BCL2: variants seen among roughly 807,000 people sequenced by gnomAD.
BCL2 encodes the protein BCL2 apoptosis regulator, also known as apoptosis regulator Bcl-2.
BCL2 carries 1 observed loss-of-function variant against 14.2 expected under a neutral mutation model. That is an observed-to-expected ratio of 0.07 (90% CI 0.02 to 0.33). The LOEUF (loss-of-function observed/expected upper bound fraction) is 0.33, where lower values mean the gene tolerates loss of function less well. Among genes scored for constraint, BCL2 ranks in the 10% least tolerant of loss-of-function variants. BCL2 has a pLI of 0.99. For missense variants in BCL2, 247 were observed against 305.9 expected, an observed-to-expected ratio of 0.81 and a Z score of 1.44; for synonymous variants, 151 against 137.2, an observed-to-expected ratio of 1.10 and a Z score of -0.70.
chr18:63,245,111 C>T (rs1293173404), intron 2 of BCL2, among the ~76,000 whole-genome samples: 1 of 152,198 alleles, frequency 6.6e-6, no homozygotes, highest in African/African-American at 2.4e-5. Flanking sequence ...CTTCCTGGGT[C>T]ATCTTCGAGA....
chr18:63,178,899 C>CAAAAAAAAAAAAAAAAAAAAAAAAAAA (rs111876869), intron 2 of BCL2, among the ~76,000 whole-genome samples: 1 of 132,920 alleles, frequency 7.5e-6, no homozygotes. Flanking sequence ...GGGTTCAAGG[C>CAAAAAAAAAAAAAAAAAAAAAAAAAAA]AAAAAAAAAA....
chr18:63,137,849 T>C (rs1914249355), intron 2 of BCL2, among the ~76,000 whole-genome samples: 1 of 152,154 alleles, frequency 6.6e-6, no homozygotes, highest in African/African-American at 2.4e-5. Flanking sequence ...TAGCAGGGCA[T>C]TGGCAAGAGG....
chr18:63,207,138 G>A lies in BCL2; in HGVS notation c.586-78379C>T, dbSNP rs114525861. Reference sequence around the variant, plus strand: ...GCCGTGACAGAAAAGCCTTTCCAAAGGAGCACAGTGGAGGAGAGAACTGGA... The same window carrying A: ...GCCGTGACAGAAAAGCCTTTCCAAAAGAGCACAGTGGAGGAGAGAACTGGA... On this transcript the variant is annotated intron_variant, in intron 2 of 2. Coordinates refer to ENST00000333681, the MANE Select transcript of BCL2 (RefSeq NM_000633.3). 4.5e-3 allele frequency among the ~76,000 whole-genome samples: 692 copies of A among 152,276 alleles called. 8 individuals are homozygous for A. The highest frequency in any genetic ancestry group is 0.016 in the African/African-American group (650 of 41,548).
At chr18:63,183,318 T>C (rs9946637) in intron 2 of BCL2, among the ~76,000 whole-genome samples, 149,867 of 152,224 alleles carry the variant, frequency 0.98, 73,810 homozygotes, top group East Asian at 1. Flanking sequence ...CCTCTATTGC[T>C]CCAGGAGAGG....
intron 2 of BCL2, among the ~76,000 whole-genome samples, chr18:63,300,860 T>C (rs1271790833): frequency 1.3e-5 from 2 of 152,196 alleles, no homozygotes; most frequent in Non-Finnish European, 2.9e-5. Flanking sequence ...GCTGTCAGAC[T>C]CTAAAATAAT....
At chr18:63,144,877 G>A (rs909640471) in intron 2 of BCL2, among the ~76,000 whole-genome samples, 1 of 152,080 alleles carries the variant, frequency 6.6e-6, no homozygotes, top group Non-Finnish European at 1.5e-5. Flanking sequence ...CATCACCCCC[G>A]CCCCCGCCGC....
chr18:63,296,433 G>C (rs1164368772), intron 2 of BCL2, among the ~76,000 whole-genome samples: 1 of 152,082 alleles, frequency 6.6e-6, no homozygotes, highest in Non-Finnish European at 1.5e-5. Context: ...CTCCCAAGCA[G>C]CTGAAACTAC....
At chr18:63,142,479 G>C (rs1051136875) in intron 2 of BCL2, among the ~76,000 whole-genome samples, 1 of 152,232 alleles carries the variant, frequency 6.6e-6, no homozygotes, top group African/African-American at 2.4e-5. Flanking sequence ...TGTTGTTCTT[G>C]GTTTGGGGCA....
intron 2 of BCL2, among the ~76,000 whole-genome samples, chr18:63,227,690 G>A (rs572344640): frequency 6.6e-6 from 1 of 152,344 alleles, no homozygotes; most frequent in African/African-American, 2.4e-5. Context: ...CAGGCTCCTA[G>A]TGAATTCCAA....
intron 2 of BCL2, among the ~76,000 whole-genome samples, chr18:63,247,566 G>C (rs1350144297): frequency 6.6e-6 from 1 of 152,110 alleles, no homozygotes; most frequent in African/African-American, 2.4e-5. Context: ...CTTCTACTAG[G>C]GGAAGAACCA....
At chr18:63,289,370 C>T (rs997660858) in intron 2 of BCL2, among the ~76,000 whole-genome samples, 7 of 152,140 alleles carry the variant, frequency 4.6e-5, no homozygotes, top group African/African-American at 1.7e-4. Flanking sequence ...GAGATCAGAT[C>T]TGGGCCTTAA....
At chr18:63,209,203 C>T (rs950927959) in intron 2 of BCL2, among the ~76,000 whole-genome samples, 2 of 152,128 alleles carry the variant, frequency 1.3e-5, no homozygotes, top group African/African-American at 2.4e-5. Context: ...GCTTCTGGGT[C>T]GGTAAATTGG....
At chr18:63,192,377 G>A (rs1178053286) in intron 2 of BCL2, among the ~76,000 whole-genome samples, 2 of 152,236 alleles carry the variant, frequency 1.3e-5, no homozygotes, top group East Asian at 3.8e-4. Flanking sequence ...TGTGCAGTTG[G>A]TGAGAGCTGA....
chr18:63,198,641 CACAG>C lies in BCL2; in HGVS notation c.586-69886_586-69883del, dbSNP rs1240454155. On this transcript the variant is annotated intron_variant, in intron 2 of 2. Transcript: ENST00000333681. ...TGACACACAGACACAGAGACACACA[CACAG>C]ACATACACAGACACACACAGACACA... Among the ~76,000 whole-genome samples the C allele has an allele frequency of 2.7e-5, 4 of 150,820 alleles. No homozygotes were observed. In the South Asian group the frequency reaches 8.5e-4, roughly 32 times the overall value.
intron 2 of BCL2, among the ~76,000 whole-genome samples, chr18:63,298,498 A>T (rs1376223101): frequency 6.6e-6 from 1 of 152,220 alleles, no homozygotes; most frequent in Non-Finnish European, 1.5e-5. Flanking sequence ...GCACACACTC[A>T]TCCCTTTCTT....
chr18:63,140,038 G>A (rs1003181188), intron 2 of BCL2, among the ~76,000 whole-genome samples: 3 of 152,242 alleles, frequency 2.0e-5, no homozygotes, highest in Non-Finnish European at 1.5e-5. Context: ...TGGCCAGTAA[G>A]TGCATGAAGA....
chr18:63,306,480 C>T lies in BCL2; in HGVS notation c.585+11602G>A, dbSNP rs575067372. On this transcript the variant is annotated intron_variant, in intron 2 of 2. Transcript: ENST00000333681. ...CATCTTTCTGACCCACCCACTTGCACTCTCCACTCCAGCCAGGCTGAACTC... is the reference window on the plus strand; with the variant it reads ...CATCTTTCTGACCCACCCACTTGCATTCTCCACTCCAGCCAGGCTGAACTC... 1.9e-4 allele frequency among the ~76,000 whole-genome samples: 29 copies of T among 152,358 alleles called. No homozygotes were observed. The South Asian group carries it at 2.5e-3, about 13-fold the overall frequency.
At chr18:63,180,527 C>T (rs942982099) in intron 2 of BCL2, among the ~76,000 whole-genome samples, 16 of 151,528 alleles carry the variant, frequency 1.1e-4, no homozygotes, top group African/African-American at 2.9e-4. Context: ...CCCAGACCGC[C>T]CATCCCACCC....
intron 2 of BCL2, among the ~76,000 whole-genome samples, chr18:63,273,836 A>G (rs1179040645): frequency 2.6e-5 from 4 of 152,214 alleles, no homozygotes; most frequent in Non-Finnish European, 5.9e-5. Flanking sequence ...TGAAGGTGGC[A>G]TGACATCTTT....
Sources: gnomAD v4.1 joint callset for allele counts (sites outside exome capture counted in the v4.1 genomes callset) on GRCh38, gnomAD v4.1.1 for gene constraint, MANE v1.5 for transcripts, NCBI Gene and HGNC (gene_info 2026-07-23, HGNC 2026-07-21) for gene names.